The following OTOGL variants were observed in gnomAD, a reference collection of about 807,000 sequenced individuals.
OTOGL encodes otogelin-like protein.
OTOGL carries 285 observed loss-of-function variants against 318.5 expected under a neutral mutation model. The observed-to-expected ratio is 0.89, with a 90% CI of 0.81 to 0.99. The LOEUF is 0.99. Among genes scored for constraint, OTOGL ranks in the 50% least tolerant of loss-of-function variants. The probability of loss-of-function intolerance (pLI) is 0.00; values close to 1 mark genes in which losing one functional copy is unlikely to be tolerated. For synonymous variants in OTOGL, 987 were observed against 936.5 expected (o/e 1.05, Z -0.99); for missense variants, 2,899 against 2,845.6 (o/e 1.02, Z -0.43).
At chr12:80,230,227 A>G (rs1879243140) in intron 8 of OTOGL, among the ~76,000 whole-genome samples, 1 of 152,122 alleles carries the variant, frequency 6.6e-6, no homozygotes, top group Non-Finnish European at 1.5e-5. Context: ...CTGGGCTTAG[A>G]TTCCTCAAAA....
intron 6 of OTOGL, among the ~76,000 whole-genome samples, chr12:80,220,323 C>G (rs1477757121): frequency 6.6e-6 from 1 of 152,030 alleles, no homozygotes; most frequent in East Asian, 1.9e-4. Flanking sequence ...TCATGTCTGG[C>G]TAATTTTGGT....
intron 11 of OTOGL, among the ~76,000 whole-genome samples, chr12:80,241,108 A>G (rs1880335588): frequency 6.6e-6 from 1 of 152,112 alleles, no homozygotes; most frequent in Non-Finnish European, 1.5e-5. Flanking sequence ...TAAGAGGTTT[A>G]TCAAAGGTGA....
chr12:80,125,185 A>G (rs1870745123), intron 1 of OTOGL, among the ~76,000 whole-genome samples: 1 of 152,314 alleles, frequency 6.6e-6, no homozygotes, highest in Non-Finnish European at 1.5e-5. Context: ...TGTCATAGAT[A>G]GCTCTTATTA....
chr12:80,195,253 G>A (rs982309921), intron 1 of OTOGL, among the ~76,000 whole-genome samples: 2 of 152,200 alleles, frequency 1.3e-5, no homozygotes, highest in African/African-American at 4.8e-5. Flanking sequence ...AGAATTTGCA[G>A]TTTGGCTCAG....
chr12:80,314,180 CCT>C (rs1886827276), intron 31 of OTOGL, 123 bp from the exon 32 acceptor site: 3 of 312,488 alleles, frequency 9.6e-6, no homozygotes, highest in Non-Finnish European at 1.8e-5. Context: ...AGAAAAAGTT[CCT>C]AAATAATACC....
At chr12:80,194,825 C>A (rs951324986) in intron 1 of OTOGL, among the ~76,000 whole-genome samples, 14 of 151,490 alleles carry the variant, frequency 9.2e-5, no homozygotes, top group African/African-American at 2.9e-4. Flanking sequence ...AGAAAAGGGG[C>A]AAATAAATAC....
rs538271530 is a variant in OTOGL at position 80,241,969 on chromosome 12, T to A, written c.1052+2530T>A. Among the ~76,000 whole-genome samples, 16 of 152,276 alleles carry A rather than the reference T, an allele frequency of 1.1e-4. No homozygotes were observed. In the East Asian group the frequency reaches 2.9e-3, roughly 28 times the overall value. On this transcript the variant is annotated intron_variant, in intron 11 of 58. Transcript: ENST00000547103. ...AGAAAAAAAACCAAAAGGACTGGCA[T>A]CTTTTGATCTGGAAGTTTCATGCAT...
Position 80,252,114 on chromosome 12 carries a change from A to G in OTOGL, c.1198A>G (p.Ile400Val), listed in dbSNP as rs780388672. Residue 400 changes from isoleucine (I) to valine (V), a missense_variant, in exon 13 of 59, where the codon ATC (isoleucine) becomes GTC (valine). Physicochemically the swap from Ile to Val is conservative, Grantham distance 29 (BLOSUM62 3). This residue lies in a region of OTOGL where 2,607 missense variants were observed against 2,524.9 expected (regional missense o/e 1.03). Transcript: ENST00000547103. ...TGATAGCTTTGTCCATCGGGACTGT[A>G]TCAGTTGTTGTCCACCAACCTGCAC... ...CDDSFVHRDC[I>V]SCCPPTCTFE... The G allele has an allele frequency of 6.4e-7, 1 of 1,561,346 alleles. No homozygotes were observed. The highest frequency in any genetic ancestry group is 1.4e-5 in the African/African-American group (1 of 73,906).
chr12:80,324,913 G>A (rs558269220), intron 35 of OTOGL, among the ~76,000 whole-genome samples: 12 of 152,220 alleles, frequency 7.9e-5, no homozygotes, highest in African/African-American at 7.2e-5. Context: ...GAAACAGTTC[G>A]GAGGAAAGGT....
intron 30 of OTOGL, among the ~76,000 whole-genome samples, chr12:80,311,861 T>C (rs567083856): frequency 6.6e-6 from 1 of 152,324 alleles, no homozygotes; most frequent in East Asian, 1.9e-4. Context: ...TGATACTTAA[T>C]GAGTTTTTTG....
At chr12:80,223,284 T>C (rs1175658910) in intron 7 of OTOGL, among the ~76,000 whole-genome samples, 2 of 151,914 alleles carry the variant, frequency 1.3e-5, no homozygotes, top group Non-Finnish European at 2.9e-5. Context: ...TATATATATA[T>C]GGCATATATG....
chr12:80,125,551 A>G (rs1870771669), intron 1 of OTOGL, among the ~76,000 whole-genome samples: 1 of 152,236 alleles, frequency 6.6e-6, no homozygotes, highest in South Asian at 2.1e-4. Flanking sequence ...TGCTGGCCTC[A>G]TAAAATGAGT....
intron 3 of OTOGL, 81 bp downstream of exon 3, chr12:80,210,967 C>G (rs1020976753): frequency 5.4e-6 from 5 of 923,990 alleles, no homozygotes; most frequent in Non-Finnish European, 5.9e-6. Flanking sequence ...ACTATATCTG[C>G]TTTTGAAAAA....
chr12:80,192,683 G>A (rs1293174270), intron 1 of OTOGL, among the ~76,000 whole-genome samples: 3 of 152,314 alleles, frequency 2.0e-5, no homozygotes, highest in South Asian at 2.1e-4. Flanking sequence ...GGAGAAAAAT[G>A]CTGTGTAATT....
intron 26 of OTOGL, among the ~76,000 whole-genome samples, chr12:80,294,132 G>A (rs976719804): frequency 2.6e-5 from 4 of 151,908 alleles, no homozygotes; most frequent in African/African-American, 7.3e-5. Context: ...TTATTACTAT[G>A]TTGCTTAACA....
intron 8 of OTOGL, among the ~76,000 whole-genome samples, 186 bp downstream of exon 8, chr12:80,229,564 C>T (rs899378922): frequency 6.6e-6 from 1 of 151,994 alleles, no homozygotes; most frequent in Non-Finnish European, 1.5e-5. Flanking sequence ...GTCAAGAGTA[C>T]AGTAAGTTTA....
intron 1 of OTOGL, among the ~76,000 whole-genome samples, chr12:80,172,648 G>A (rs150680116): frequency 2.3e-4 from 35 of 151,958 alleles, no homozygotes; most frequent in African/African-American, 7.7e-4. Context: ...ATTTAAAAAG[G>A]TGTCATCTGG....
chr12:80,235,707 A>G (rs1034372087), intron 9 of OTOGL, among the ~76,000 whole-genome samples: 2 of 152,138 alleles, frequency 1.3e-5, no homozygotes, highest in Admixed American at 6.5e-5. Flanking sequence ...CTGCCAGAGG[A>G]AGACTGGCAG....
intron 4 of OTOGL, among the ~76,000 whole-genome samples, chr12:80,212,248 T>A (rs895429589): frequency 6.6e-6 from 1 of 152,142 alleles, no homozygotes; most frequent in Admixed American, 6.6e-5. Flanking sequence ...TACCTACTAA[T>A]AGGCTTGAGG....
Sources: gnomAD v4.1 joint callset for allele counts (sites outside exome capture counted in the v4.1 genomes callset) on GRCh38, gnomAD v4.1.1 for gene constraint, gnomAD v4.1.1 regional missense constraint, MANE v1.5 for transcripts, NCBI Gene and HGNC (gene_info 2026-07-23, HGNC 2026-07-21) for gene names.